Variants in SOX6 observed in about 807,000 individuals in gnomAD.
The protein encoded by SOX6 is transcription factor SOX-6.
SOX6 carries 11 observed loss-of-function variants against 97.8 expected under a neutral mutation model. That is an observed-to-expected ratio of 0.11 (90% CI 0.07 to 0.19). SOX6 has a LOEUF of 0.19. SOX6 is among the 10% of genes least tolerant of loss of function. SOX6 has a pLI of 1.00. For missense variants in SOX6, 810 were observed against 1,039.5 expected, an observed-to-expected ratio of 0.78 and a Z score of 3.04; for synonymous variants, 360 against 371.4, an observed-to-expected ratio of 0.97 and a Z score of 0.35.
intron 1 of SOX6, chr11:16,434,338 T>C (rs533314622): frequency 2.6e-5 from 4 of 152,150 alleles, no homozygotes; most frequent in Non-Finnish European, 1.5e-5. Flanking sequence ...CGACCAAGAT[T>C]GTCAAAATTC....
chr11:16,131,393 CACA>C (rs1849736067), intron 6 of SOX6, among the ~76,000 whole-genome samples: 1 of 151,690 alleles, frequency 6.6e-6, no homozygotes, highest in Admixed American at 6.6e-5. Context: ...AAATCAAAAC[CACA>C]ACAAGATACC....
At chr11:16,265,867 G>A (rs561123817) in intron 3 of SOX6, among the ~76,000 whole-genome samples, 1 of 151,214 alleles carries the variant, frequency 6.6e-6, no homozygotes, top group South Asian at 2.1e-4. Context: ...TAGTAATCTT[G>A]TTGACATAGC....
At chr11:16,585,765 C>A (rs1000968822) in intron 4 of SOX6, among the ~76,000 whole-genome samples, 6 of 148,504 alleles carry the variant, frequency 4.0e-5, no homozygotes, top group Admixed American at 6.8e-5. Flanking sequence ...TTGCCACAGC[C>A]AGGACCTTCC....
chr11:16,589,186 T>C (rs570115392), intron 4 of SOX6, among the ~76,000 whole-genome samples: 3 of 152,316 alleles, frequency 2.0e-5, no homozygotes, highest in African/African-American at 7.2e-5. Context: ...CATTTCCTCC[T>C]TGACTCATCA....
Position 16,147,947 on chromosome 11 carries a change from A to G in SOX6, c.777+35939T>C, listed in dbSNP as rs141947470. On this transcript the variant is annotated intron_variant, in intron 6 of 15. Transcript: ENST00000683767. ...CCATGAACCTCTTGGTCTTTCACAC[A>G]CCTTTCAAAGGAGATTAACCATTGC... Among the ~76,000 whole-genome samples the G allele has an allele frequency of 3.2e-4, 49 of 152,334 alleles. No homozygotes were observed. The East Asian group carries it at 8.9e-3, about 28-fold the overall frequency.
intron 12 of SOX6, among the ~76,000 whole-genome samples, chr11:16,041,798 A>C (rs1417570925): frequency 4.6e-5 from 7 of 152,164 alleles, no homozygotes; most frequent in Non-Finnish European, 1.0e-4. Flanking sequence ...TATACAAGTT[A>C]CTCCAAAAAT....
chr11:16,100,917 G>GA (rs1332761295), intron 7 of SOX6, among the ~76,000 whole-genome samples: 7 of 150,970 alleles, frequency 4.6e-5, no homozygotes, highest in Non-Finnish European at 8.9e-5. Context: ...AGTAGAGAGA[G>GA]AAAAAAAATA....
intron 3 of SOX6, among the ~76,000 whole-genome samples, chr11:16,244,795 T>C (rs916967992): frequency 6.6e-6 from 1 of 151,572 alleles, no homozygotes; most frequent in Admixed American, 6.6e-5. Flanking sequence ...GATCTATTTC[T>C]TAATTCTTTT....
At chr11:16,373,821 GAGGAAGGAAGGAAGGAAGGAAGGA>G (rs149710263) in intron 1 of SOX6, among the ~76,000 whole-genome samples, 1,391 of 105,476 alleles carry the variant, frequency 0.013, 36 homozygotes, top group African/African-American at 0.038. Context: ...GGGAGGGAGA[GAGGAAGGAAGGAAGGAAGGAAGGA>G]AGGAAGGAAG....
At chr11:16,587,664 G>A (rs1036462233) in intron 4 of SOX6, among the ~76,000 whole-genome samples, 5 of 152,126 alleles carry the variant, frequency 3.3e-5, no homozygotes, top group African/African-American at 1.2e-4. Flanking sequence ...TCAAAAAACT[G>A]GTGTAAGAAG....
chr11:16,045,174 C>T (rs1222184148), intron 12 of SOX6, among the ~76,000 whole-genome samples: 2 of 152,140 alleles, frequency 1.3e-5, no homozygotes, highest in Non-Finnish European at 2.9e-5. Flanking sequence ...TGAACTTCAA[C>T]AGATAATACA....
At chr11:16,209,224 T>C (rs1852152548) in intron 4 of SOX6, among the ~76,000 whole-genome samples, 1 of 152,190 alleles carries the variant, frequency 6.6e-6, no homozygotes, top group Non-Finnish European at 1.5e-5. Context: ...TTTTTCTCAG[T>C]TTTAATTTCT....
chr11:15,974,617 A>G (rs1311795873), intron 15 of SOX6, among the ~76,000 whole-genome samples: 1 of 137,602 alleles, frequency 7.3e-6, no homozygotes, highest in Non-Finnish European at 1.5e-5. Flanking sequence ...TTCAATTCCC[A>G]CCTATGAGTG....
At chr11:16,350,851 C>T (rs1308479709) in intron 1 of SOX6, among the ~76,000 whole-genome samples, 2 of 152,052 alleles carry the variant, frequency 1.3e-5, no homozygotes, top group Admixed American at 6.6e-5. Flanking sequence ...CAGCACAGTG[C>T]ACAACACATC....
At chr11:16,191,040 T>C (rs1056046282) in intron 4 of SOX6, among the ~76,000 whole-genome samples, 1 of 152,150 alleles carries the variant, frequency 6.6e-6, no homozygotes, top group African/African-American at 2.4e-5. Context: ...GAACTACAAT[T>C]GTAAGAGCTG....
chr11:16,659,913 A>C (rs899329220), intron 3 of SOX6, among the ~76,000 whole-genome samples: 5 of 152,130 alleles, frequency 3.3e-5, no homozygotes, highest in African/African-American at 1.2e-4. Context: ...GTGGGCACTG[A>C]GTGTTTATAA....
At chr11:16,650,635 A>G (rs1847634363) in intron 3 of SOX6, among the ~76,000 whole-genome samples, 1 of 152,142 alleles carries the variant, frequency 6.6e-6, no homozygotes, top group Admixed American at 6.5e-5. Context: ...CAGTGCTAAG[A>G]GAAAAGTTCA....
chr11:16,482,046 C>T (rs1223355762), intron 4 of SOX6, among the ~76,000 whole-genome samples: 1 of 152,130 alleles, frequency 6.6e-6, no homozygotes, highest in Non-Finnish European at 1.5e-5. Flanking sequence ...ATCATAGGTG[C>T]TACTGCATTC....
At chr11:16,461,147 T>C (rs1859917768) in intron 1 of SOX6, among the ~76,000 whole-genome samples, 1 of 152,130 alleles carries the variant, frequency 6.6e-6, no homozygotes. Context: ...TTTTCAAAAA[T>C]TCAATACTGT....
Sources: gnomAD v4.1 joint callset for allele counts (sites outside exome capture counted in the v4.1 genomes callset) on GRCh38, gnomAD v4.1.1 for gene constraint, MANE v1.5 for transcripts, NCBI Gene and HGNC (gene_info 2026-07-23, HGNC 2026-07-21) for gene names.